COG7: variants seen among roughly 807,000 people sequenced by gnomAD.
The protein encoded by COG7 is conserved oligomeric Golgi complex subunit 7.
COG7 carries 49 observed loss-of-function variants against 91.5 expected under a neutral mutation model. That is an observed-to-expected ratio of 0.54 (90% CI 0.43 to 0.68). The LOEUF (loss-of-function observed/expected upper bound fraction) is 0.68. Ranked by LOEUF, COG7 falls within the 30% of genes least tolerant of loss-of-function variation. The pLI is 0.00. For missense variants in COG7, 895 were observed against 961.3 expected (o/e 0.93, Z 0.91); for synonymous variants, 365 against 388.7 (o/e 0.94, Z 0.72).
At chr16:23,391,651 T>C (rs2142057753) in intron 16 of COG7, among the ~76,000 whole-genome samples, 1 of 152,318 alleles carries the variant, frequency 6.6e-6, no homozygotes, top group Non-Finnish European at 1.5e-5. Context: ...TTCAGGCTTC[T>C]ACCACCCGCT....
At chr16:23,405,654 C>T (rs1339212807) in intron 12 of COG7, among the ~76,000 whole-genome samples, 1 of 151,472 alleles carries the variant, frequency 6.6e-6, no homozygotes, top group East Asian at 1.9e-4. Flanking sequence ...GTAGCTGGGA[C>T]TACAGGTGCG....
intron 4 of COG7, among the ~76,000 whole-genome samples, chr16:23,438,330 G>C (rs1964044802): frequency 6.6e-6 from 1 of 152,178 alleles, no homozygotes; most frequent in Admixed American, 6.5e-5. Context: ...AGGCTGAGGA[G>C]GGAGGATTGT....
chr16:23,447,381 T>C (rs1964198121), intron 1 of COG7: 1 of 151,636 alleles, frequency 6.6e-6, no homozygotes, highest in Non-Finnish European at 1.5e-5. Context: ...CGGCTAATTT[T>C]TATATTTTTA....
chr16:23,434,541 T>A (rs1365760928), intron 5 of COG7, 95 bp downstream of exon 5: 1 of 953,628 alleles, frequency 1.0e-6, no homozygotes, highest in Non-Finnish European at 1.7e-6. Flanking sequence ...AGGAGACAAA[T>A]GTTCTTACCT....
At chr16:23,412,768 C>T (rs1963586089) in intron 10 of COG7, 1 of 152,494 alleles carries the variant, frequency 6.6e-6, no homozygotes, top group Admixed American at 6.5e-5. Context: ...TCACTTCAAC[C>T]TCCACCTCCC....
intron 6 of COG7, among the ~76,000 whole-genome samples, chr16:23,425,584 C>G (rs1207553459): frequency 6.6e-6 from 1 of 152,104 alleles, no homozygotes; most frequent in Non-Finnish European, 1.5e-5. Flanking sequence ...AAGTGATCCT[C>G]CTTCCTCAAC....
intron 15 of COG7, 50 bp downstream of exon 15, chr16:23,393,183 G>T: frequency 7.3e-7 from 1 of 1,377,286 alleles, no homozygotes; most frequent in Non-Finnish European, 1.0e-6. Flanking sequence ...TTTCTACCCT[G>T]GAAACTGACA....
At chr16:23,391,685 G>A (rs1180445395) in intron 16 of COG7, among the ~76,000 whole-genome samples, 5 of 152,186 alleles carry the variant, frequency 3.3e-5, no homozygotes, top group East Asian at 1.9e-4. Context: ...CGAGAGGTGC[G>A]TTAGGCTAAA....
chr16:23,452,764 G>A, intron 1 of COG7, 62 bp downstream of exon 1: 1 of 1,554,184 alleles, frequency 6.4e-7, no homozygotes, highest in East Asian at 2.4e-5. Flanking sequence ...ACGCAAGTTC[G>A]GTGACCTCTG....
At position 23,395,367 on chromosome 16, in the gene COG7, C is replaced by T. The variant is rs543701477; in HGVS notation, c.1888-2020G>A. 2.0e-5 allele frequency among the ~76,000 whole-genome samples: 3 copies of T among 152,302 alleles called. No homozygotes were observed. The South Asian group carries it at 6.2e-4, about 32-fold the overall frequency. The stretch of plus-strand genomic sequence containing the variant: ...CTCTCAACAAGCCCTTCCTGAACAC[C>T]TACTACGTACAAAGACCCCAGACAT... On this transcript the variant is annotated intron_variant, in intron 14 of 16. Coordinates refer to ENST00000307149, the MANE Select transcript of COG7 (RefSeq NM_153603.4).
chr16:23,445,793 G>A lies in COG7; in HGVS notation c.318+20C>T, dbSNP rs776418564. On this transcript the variant is annotated intron_variant, in intron 2 of 16. Coordinates refer to ENST00000307149, the MANE Select transcript of COG7 (RefSeq NM_153603.4). ...GCAAGAATCACCATTTACAACAGGA[G>A]CCAAAAGGAGCCAAAATACCTGCAT... is the stretch of plus-strand genomic sequence containing the variant. 10 of 1,612,826 alleles carry A rather than the reference G, an allele frequency of 6.2e-6. No homozygotes were observed. The highest frequency in any genetic ancestry group is 1.1e-5 in the South Asian group (1 of 91,042).
chr16:23,436,351 T>C (rs545776273), intron 4 of COG7, among the ~76,000 whole-genome samples: 10 of 152,316 alleles, frequency 6.6e-5, no homozygotes, highest in South Asian at 4.1e-4. Context: ...TGGGCATGTA[T>C]ACTTGGCTAT....
intron 6 of COG7, among the ~76,000 whole-genome samples, chr16:23,432,696 A>G (rs1176394587): frequency 6.6e-6 from 1 of 152,158 alleles, no homozygotes; most frequent in African/African-American, 2.4e-5. Context: ...TGAGGAAAGT[A>G]AATGATGGAT....
intron 6 of COG7, among the ~76,000 whole-genome samples, chr16:23,430,746 A>G (rs55948851): frequency 6.6e-6 from 1 of 151,890 alleles, no homozygotes; most frequent in Admixed American, 6.6e-5. Flanking sequence ...TCACCATGTT[A>G]GCCAGGCTGG....
intron 1 of COG7, among the ~76,000 whole-genome samples, chr16:23,452,214 T>C (rs1402859618): frequency 2.0e-5 from 3 of 152,234 alleles, no homozygotes; most frequent in African/African-American, 7.2e-5. Context: ...AGATCTGCTA[T>C]TGAATTATTT....
intron 6 of COG7, among the ~76,000 whole-genome samples, chr16:23,429,982 C>T (rs1000430534): frequency 6.6e-6 from 1 of 152,106 alleles, no homozygotes; most frequent in East Asian, 1.9e-4. Flanking sequence ...GCAGTGGTTG[C>T]CTTAAGGGTG....
chr16:23,395,723 G>A (rs767191049), intron 14 of COG7, among the ~76,000 whole-genome samples: 4 of 152,124 alleles, frequency 2.6e-5, no homozygotes, highest in Non-Finnish European at 5.9e-5. Context: ...ATATGGAAAG[G>A]GCTGCTTAGC....
intron 7 of COG7, among the ~76,000 whole-genome samples, chr16:23,421,584 T>C (rs1189944871): frequency 1.3e-5 from 2 of 151,904 alleles, no homozygotes; most frequent in Admixed American, 6.6e-5. Flanking sequence ...AACTTGCTAA[T>C]AACCAAAGTG....
chr16:23,392,873 G>GT (rs1963223072), intron 15 of COG7, among the ~76,000 whole-genome samples: 1 of 152,160 alleles, frequency 6.6e-6, no homozygotes, highest in Non-Finnish European at 1.5e-5. Context: ...GGAGGTTGTG[G>GT]TGAGTCAAGA....
Sources: allele counts gnomAD v4.1 joint callset (sites outside exome capture counted in the v4.1 genomes callset), GRCh38; gene constraint gnomAD v4.1.1; transcripts MANE v1.5; gene names NCBI Gene and HGNC (gene_info 2026-07-23, HGNC 2026-07-21).